Variants in RFC3 observed in about 807,000 individuals in gnomAD.
RFC3 encodes A1 38 kDa subunit.
RFC3 carries 41 observed loss-of-function variants against 45.1 expected under a neutral mutation model. The ratio of observed to expected loss-of-function variants is 0.91; its 90% CI spans 0.71 to 1.18. The LOEUF is 1.18. Among genes scored for constraint, RFC3 ranks in the 50% most tolerant of loss-of-function variants. RFC3 has a pLI of 0.00. For missense variants in RFC3, 423 were observed against 428.1 expected (o/e 0.99, Z 0.10); for synonymous variants, 149 against 144.0 (o/e 1.03, Z -0.25).
At position 33,893,981 on chromosome 13, in the gene RFC3, C is replaced by T. The variant is rs1196108230; in HGVS notation, c.879+58764C>T. Among the ~76,000 whole-genome samples the T allele has an allele frequency of 2.0e-5, 3 of 151,992 alleles. No homozygotes were observed. The East Asian group carries it at 5.8e-4, about 29-fold the overall frequency. On this transcript the variant is annotated intron_variant, in intron 8 of 8. Transcript: ENST00000434425. ...GAAAGGAAAAAAACAAACAAACAAA[C>T]AAAAAACCCCAACTTTCCAAAGGGC...
intron 8 of RFC3, among the ~76,000 whole-genome samples, chr13:33,894,750 C>T (rs1336549929): frequency 6.6e-6 from 1 of 152,042 alleles, no homozygotes; most frequent in Non-Finnish European, 1.5e-5. Context: ...TGCCCAACTT[C>T]AAATTATATT....
At chr13:33,952,203 A>G (rs958214709) in intron 8 of RFC3, among the ~76,000 whole-genome samples, 1 of 152,224 alleles carries the variant, frequency 6.6e-6, no homozygotes, top group Non-Finnish European at 1.5e-5. Context: ...TAAGTGCACA[A>G]TCCTCATTAA....
At chr13:33,871,232 G>A (rs1305346102) in intron 8 of RFC3, among the ~76,000 whole-genome samples, 3 of 152,122 alleles carry the variant, frequency 2.0e-5, no homozygotes, top group Non-Finnish European at 4.4e-5. Context: ...AAATCAAGTG[G>A]CTCAAAACAA....
chr13:33,958,451 AGAT>A (rs1456171653), intron 8 of RFC3, among the ~76,000 whole-genome samples: 10 of 152,174 alleles, frequency 6.6e-5, no homozygotes, highest in Non-Finnish European at 1.5e-4. Context: ...TTTCAAACTG[AGAT>A]GGATGTGTTT....
intron 8 of RFC3, among the ~76,000 whole-genome samples, chr13:33,906,513 AT>A (rs5802697): frequency 0.23 from 35,105 of 151,964 alleles, 7,699 homozygotes; most frequent in African/African-American, 0.55. Flanking sequence ...GTCTCAAATT[AT>A]TATTTTAATA....
At chr13:33,970,626 C>T (rs1335589373), downstream of RFC3, among the ~76,000 whole-genome samples, 2 of 152,110 alleles carry the variant, frequency 1.3e-5, no homozygotes, top group Non-Finnish European at 2.9e-5. Context: ...CCAGGAAACA[C>T]CAGTAGGGGA....
At chr13:33,864,562 A>C (rs9570412) in intron 8 of RFC3, among the ~76,000 whole-genome samples, 9,294 of 152,058 alleles carry the variant, frequency 0.061, 425 homozygotes, top group South Asian at 0.15. Flanking sequence ...GTGAGTGGAA[A>C]CTTGTGATTA....
chr13:33,937,141 A>T (rs1261766345), intron 8 of RFC3, among the ~76,000 whole-genome samples: 5 of 152,188 alleles, frequency 3.3e-5, no homozygotes, highest in African/African-American at 1.2e-4. Flanking sequence ...GATATGTGAG[A>T]GTCGCCCCAT....
chr13:33,934,598 C>G (rs942211339), intron 8 of RFC3, among the ~76,000 whole-genome samples: 2 of 152,086 alleles, frequency 1.3e-5, no homozygotes, highest in Non-Finnish European at 2.9e-5. Context: ...CCCAGATTCC[C>G]AGTTGCTTAT....
At chr13:33,860,949 T>C (rs1366175984) in intron 8 of RFC3, among the ~76,000 whole-genome samples, 1 of 151,966 alleles carries the variant, frequency 6.6e-6, no homozygotes, top group Non-Finnish European at 1.5e-5. Flanking sequence ...TTACCCAGGC[T>C]GGAGTGCAGT....
Position 33,862,995 on chromosome 13 carries a change from A to C in RFC3, c.879+27778A>C, listed in dbSNP as rs550554081. 8.5e-5 allele frequency among the ~76,000 whole-genome samples: 13 copies of C among 152,322 alleles called. No homozygotes were observed. In the South Asian group the frequency reaches 2.7e-3, roughly 32 times the overall value. ...AAATTAATTCTTACATGCATTTCTA[A>C]GAAAAGTTGTGAAAATAATTTTCTG... On this transcript the variant is annotated intron_variant, in intron 8 of 8. Transcript: ENST00000434425.
downstream of RFC3, among the ~76,000 whole-genome samples, chr13:33,840,082 G>T (rs373101148): frequency 2.0e-5 from 3 of 152,092 alleles, no homozygotes; most frequent in African/African-American, 7.2e-5. Context: ...GAAGCGTCTT[G>T]GTGCGATTTG....
intron 8 of RFC3, among the ~76,000 whole-genome samples, chr13:33,887,588 C>G (rs1043805841): frequency 1.2e-4 from 19 of 152,052 alleles, no homozygotes; most frequent in Non-Finnish European, 2.2e-4. Context: ...TGTAGGTTGC[C>G]TGTTCACTCT....
downstream of RFC3, among the ~76,000 whole-genome samples, chr13:33,967,607 C>T (rs972938586): frequency 1.9e-4 from 29 of 150,888 alleles, no homozygotes; most frequent in Non-Finnish European, 4.1e-4. Flanking sequence ...CCTGCCTCAG[C>T]CACCCAAGTA....
intron 8 of RFC3, among the ~76,000 whole-genome samples, chr13:33,908,712 TG>T (rs66647979): frequency 0.023 from 3,519 of 151,908 alleles, 118 homozygotes; most frequent in African/African-American, 0.081. Flanking sequence ...ATCTATAGTT[TG>T]GGCAAGCTGG....
chr13:33,818,867 C>A (rs1011880983), intron 1 of RFC3, among the ~76,000 whole-genome samples: 3 of 148,028 alleles, frequency 2.0e-5, no homozygotes, highest in Admixed American at 6.7e-5. Flanking sequence ...TGTATTAGGA[C>A]GTTCCTGAGA....
At chr13:33,837,594 T>C (rs1566387792), downstream of RFC3, 1 of 152,132 alleles carries the variant, frequency 6.6e-6, no homozygotes, top group Non-Finnish European at 1.5e-5. Flanking sequence ...ACATTAACTT[T>C]TAAAAAGTTG....
downstream of RFC3, among the ~76,000 whole-genome samples, chr13:33,969,968 G>A (rs1324470095): frequency 6.8e-6 from 1 of 147,176 alleles, no homozygotes; most frequent in Non-Finnish European, 1.5e-5. Flanking sequence ...TGTACGGGAT[G>A]TGCAGGGTTT....
At chr13:33,875,287 T>C (rs2082438912) in intron 8 of RFC3, among the ~76,000 whole-genome samples, 1 of 152,060 alleles carries the variant, frequency 6.6e-6, no homozygotes, top group South Asian at 2.1e-4. Flanking sequence ...GGGTGCATAG[T>C]AGGGACCCAA....
Sources: allele counts gnomAD v4.1 joint callset (sites outside exome capture counted in the v4.1 genomes callset), GRCh38; gene constraint gnomAD v4.1.1; transcripts MANE v1.5; gene names NCBI Gene and HGNC (gene_info 2026-07-23, HGNC 2026-07-21).